TUT7: variants seen among roughly 807,000 people sequenced by gnomAD.
TUT7 encodes terminal uridylyltransferase 7.
In TUT7, 33 loss-of-function variants were observed where a neutral mutation model predicts 165.9. The observed-to-expected ratio is 0.20, with a 90% confidence interval of 0.15 to 0.27. The LOEUF (loss-of-function observed/expected upper bound fraction) is 0.27, where lower values mean the gene tolerates loss of function less well. Ranked by LOEUF, TUT7 falls within the 10% of genes least tolerant of loss-of-function variation. TUT7 has a pLI of 1.00. For missense variants in TUT7, 1,338 were observed against 1,762.3 expected, an observed-to-expected ratio of 0.76 and a Z score of 4.31; for synonymous variants, 552 against 608.1, an observed-to-expected ratio of 0.91 and a Z score of 1.36.
chr9:86,353,133 C>T lies in TUT7; in HGVS notation c.67G>A (p.Asp23Asn), dbSNP rs765841200. 6.2e-7 allele frequency: 1 copy of T among 1,611,380 alleles called. No individual in the cohort carries two copies. The highest frequency in any genetic ancestry group is 8.5e-7 in the Non-Finnish European group (1 of 1,179,442). ...TGTTGGGGGTGACCCCTTCTGAAGT[C>T]ATCATCATCCATAGTCCCCCGGTCT... is the stretch of plus-strand genomic sequence containing the variant. ...TKDRGTMDDD[D>N]FRRGHPQQDY... is the part of the protein sequence containing the mutation. The change falls in exon 2 of 27, where the codon GAC becomes AAC. Residue 23 changes from aspartate (D) to asparagine (N), a missense_variant. Physicochemically the swap from Asp to Asn is conservative, Grantham distance 23 (BLOSUM62 1). Around this residue, in one of 7 missense-constraint regions of TUT7, gnomAD observed 434 missense variants for 480.8 expected, o/e 0.90. Coordinates refer to ENST00000375963, the MANE Select transcript of TUT7 (RefSeq NM_024617.4).
chr9:86,353,137 A>G lies in TUT7; in HGVS notation c.63T>C (p.Asp21=), dbSNP rs1832445975. ...GGGGGTGACCCCTTCTGAAGTCATC[A>G]TCATCCATAGTCCCCCGGTCTTTAG... is the stretch of plus-strand genomic sequence containing the variant. The part of the protein sequence containing the change: ...KRTKDRGTMD[D]DDFRRGHPQQ... The change falls in exon 2 of 27, where the codon GAT becomes GAC. Residue 21 remains aspartate, a synonymous_variant. Coordinates refer to ENST00000375963, the MANE Select transcript of TUT7 (RefSeq NM_024617.4). 1.9e-6 allele frequency: 3 copies of G among 1,611,652 alleles called. No homozygotes were observed. Among genetic ancestry groups the G allele is most frequent in the East Asian group, 4.5e-5 (2 of 44,874 alleles).
At chr9:86,288,894 T>C in intron 26 of TUT7, 150 bp from the exon 27 acceptor site, 1 of 596,122 alleles carries the variant, frequency 1.7e-6, no homozygotes. Context: ...GACTTGATAT[T>C]GAAAAGTATA....
intron 17 of TUT7, among the ~76,000 whole-genome samples, chr9:86,315,143 T>C (rs373054508): frequency 2.0e-5 from 3 of 152,336 alleles, no homozygotes; most frequent in African/African-American, 4.8e-5. Flanking sequence ...CATCCCTAAG[T>C]GCCCAACACA....
intron 26 of TUT7, among the ~76,000 whole-genome samples, chr9:86,292,607 T>TAA (rs756543899): frequency 9.2e-5 from 12 of 129,858 alleles, no homozygotes; most frequent in Non-Finnish European, 1.3e-4. Context: ...GGTCTTTTAT[T>TAA]AAAAAAAAAA....
At chr9:86,316,631 G>A (rs923577806) in intron 17 of TUT7, among the ~76,000 whole-genome samples, 14 of 152,164 alleles carry the variant, frequency 9.2e-5, no homozygotes, top group Admixed American at 6.5e-4. Context: ...CCTGTCTGGC[G>A]TAGGCTTTGT....
At chr9:86,321,237 A>G (rs1829263385) in intron 14 of TUT7, among the ~76,000 whole-genome samples, 1 of 151,780 alleles carries the variant, frequency 6.6e-6, no homozygotes, top group South Asian at 2.1e-4. Context: ...CATGACTGTA[A>G]TTCCAGCTAC....
At chr9:86,299,081 A>G (rs966337593) in intron 26 of TUT7, among the ~76,000 whole-genome samples, 2 of 152,148 alleles carry the variant, frequency 1.3e-5, no homozygotes, top group South Asian at 4.1e-4. Context: ...CAGAGGAAGG[A>G]GGGCCCGCAC....
rs372242226 is a variant in TUT7, at chr9:86,346,314, A to G, written c.687T>C (p.Ile229=). 23 of 1,613,114 alleles carry G rather than the reference A, an allele frequency of 1.4e-5. No individual in the cohort carries two copies. Among genetic ancestry groups the G allele is most frequent in the Non-Finnish European group, 1.8e-5 (21 of 1,179,626 alleles). The change falls in exon 3 of 27, where the codon ATT becomes ATC. Residue 229 remains isoleucine (I), a synonymous_variant. Coordinates refer to ENST00000375963, the MANE Select transcript of TUT7 (RefSeq NM_024617.4). ...AGGATGTTACCCTTTTTAGCCTGTC[A>G]ATGCAGTCTCTCTTCAGTCTCTCCT... The part of the protein sequence containing the change: ...QAEERLKRDC[I]DRLKRRPRNY...
In TUT7 at chr9:86,328,809, T is replaced by A. The variant is rs1830039658; in HGVS notation, c.1456-317A>T. ...GGTCCCAAATCTCAGCTCCTTCATATACTAGCTGTATAACCTTGAGTAAGG... is the reference window on the plus strand; with the variant it reads ...GGTCCCAAATCTCAGCTCCTTCATAAACTAGCTGTATAACCTTGAGTAAGG... On this transcript the variant is annotated intron_variant, in intron 10 of 26. Transcript: ENST00000375963. Among the ~76,000 whole-genome samples the A allele has an allele frequency of 2.6e-5, 4 of 152,314 alleles. No homozygotes were observed. In the South Asian group the frequency reaches 8.3e-4, roughly 32 times the overall value.
intron 4 of TUT7, 118 bp from the exon 5 acceptor site, chr9:86,345,272 G>T: frequency 1.1e-6 from 1 of 950,288 alleles, no homozygotes; most frequent in Non-Finnish European, 1.5e-6. Flanking sequence ...TCTCATTTTA[G>T]CTGTGTTAGT....
intron 10 of TUT7, 74 bp downstream of exon 10, chr9:86,337,345 A>G (rs1362428390): frequency 6.6e-7 from 1 of 1,519,296 alleles, no homozygotes; most frequent in African/African-American, 1.4e-5. Flanking sequence ...CTAGATTTTG[A>G]AATTATGCAA....
intron 11 of TUT7, among the ~76,000 whole-genome samples, chr9:86,328,074 G>C (rs1829960666): frequency 6.6e-6 from 1 of 152,158 alleles, no homozygotes; most frequent in African/African-American, 2.4e-5. Context: ...TAAGCTCTTT[G>C]AGGATAGATA....
At chr9:86,314,778 CA>C (rs1564052616) in intron 17 of TUT7, among the ~76,000 whole-genome samples, 1 of 152,170 alleles carries the variant, frequency 6.6e-6, no homozygotes, top group Admixed American at 6.5e-5. Flanking sequence ...TCAGTGCTTC[CA>C]AATATCTATA....
intron 9 of TUT7, 31 bp from the exon 10 acceptor site, chr9:86,337,569 T>A: frequency 6.3e-7 from 1 of 1,580,874 alleles, no homozygotes; most frequent in Non-Finnish European, 8.6e-7. Flanking sequence ...AGTTAAGCAT[T>A]CTTTTTGTAT....
At chr9:86,303,331 T>C (rs1827126329) in intron 24 of TUT7, 130 bp from the exon 25 acceptor site, 5 of 509,896 alleles carry the variant, frequency 9.8e-6, no homozygotes, top group Non-Finnish European at 1.4e-5. Flanking sequence ...ATATTATTTA[T>C]ACTGCTTAAT....
intron 26 of TUT7, among the ~76,000 whole-genome samples, chr9:86,290,431 T>A (rs1247432867): frequency 1.3e-5 from 2 of 152,078 alleles, no homozygotes; most frequent in East Asian, 3.9e-4. Context: ...CAGTAAGAAA[T>A]TTCAGTCAAG....
chr9:86,301,793 C>A (rs918362998), intron 25 of TUT7, 192 bp from the exon 26 acceptor site: 7 of 985,270 alleles, frequency 7.1e-6, no homozygotes, highest in Non-Finnish European at 8.4e-6. Context: ...TTTAAGGGTG[C>A]AGTTTTTCTT....
chr9:86,329,426 G>C (rs966129205), intron 10 of TUT7, among the ~76,000 whole-genome samples: 3 of 151,994 alleles, frequency 2.0e-5, no homozygotes, highest in African/African-American at 7.2e-5. Flanking sequence ...AGGAGGCTGA[G>C]GCAGAAGAAT....
At chr9:86,301,007 C>G (rs1366995659) in intron 26 of TUT7, among the ~76,000 whole-genome samples, 1 of 152,108 alleles carries the variant, frequency 6.6e-6, no homozygotes, top group East Asian at 1.9e-4. Flanking sequence ...TGTGCAGGTA[C>G]CAGGGATGAT....
Sources: allele counts gnomAD v4.1 joint callset (sites outside exome capture counted in the v4.1 genomes callset), GRCh38; gene constraint gnomAD v4.1.1; regional missense constraint gnomAD v4.1.1; transcripts MANE v1.5; gene names NCBI Gene and HGNC (gene_info 2026-07-23, HGNC 2026-07-21).